Variants in DLG2 observed in about 807,000 individuals in gnomAD.
DLG2 encodes discs large MAGUK scaffold protein 2.
Under a neutral mutation model 132.5 loss-of-function variants are expected in DLG2, and 45 were observed. The observed-to-expected ratio is 0.34, with a 90% CI of 0.27 to 0.44. The LOEUF (loss-of-function observed/expected upper bound fraction) is 0.44. Ranked by LOEUF, DLG2 falls within the 20% of genes least tolerant of loss-of-function variation. The pLI is 1.00. For missense variants in DLG2, 1,045 were observed against 1,196.9 expected, an observed-to-expected ratio of 0.87 and a Z score of 1.87; for synonymous variants, 424 against 419.6, an observed-to-expected ratio of 1.01 and a Z score of -0.13.
intron 6 of DLG2, among the ~76,000 whole-genome samples, chr11:85,052,082 A>G (rs527601385): frequency 6.2e-4 from 94 of 152,322 alleles, no homozygotes; most frequent in African/African-American, 2.2e-3. Flanking sequence ...TGGATCAAGA[A>G]GAAAAGACTG....
chr11:85,273,799 T>C (rs1201901119), intron 4 of DLG2, among the ~76,000 whole-genome samples: 3 of 152,184 alleles, frequency 2.0e-5, no homozygotes, highest in Non-Finnish European at 4.4e-5. Context: ...TAAATACACA[T>C]GCACAAGTAT....
At chr11:83,689,032 T>A (rs2080356673) in intron 18 of DLG2, among the ~76,000 whole-genome samples, 1 of 152,260 alleles carries the variant, frequency 6.6e-6, no homozygotes, top group East Asian at 1.9e-4. Context: ...ATATTCTCCC[T>A]CTCCTTAGGC....
At chr11:84,802,910 C>T (rs1239105060) in intron 6 of DLG2, among the ~76,000 whole-genome samples, 2 of 152,160 alleles carry the variant, frequency 1.3e-5, no homozygotes, top group Non-Finnish European at 2.9e-5. Flanking sequence ...AGCGATTCTC[C>T]TCCCTCAGCC....
intron 2 of DLG2, among the ~76,000 whole-genome samples, chr11:85,611,718 G>A (rs897249389): frequency 6.6e-6 from 1 of 152,254 alleles, no homozygotes; most frequent in African/African-American, 2.4e-5. Flanking sequence ...AATCCTACAT[G>A]CCTATGCTAC....
chr11:84,903,443 C>T (rs1200976863), intron 6 of DLG2, among the ~76,000 whole-genome samples: 3 of 152,124 alleles, frequency 2.0e-5, no homozygotes, highest in Admixed American at 2.0e-4. Context: ...AGTATGCTTA[C>T]ATCATCATAA....
At chr11:83,837,629 A>C (rs2056545480) in intron 16 of DLG2, among the ~76,000 whole-genome samples, 1 of 137,930 alleles carries the variant, frequency 7.3e-6, no homozygotes, top group African/African-American at 2.7e-5. Flanking sequence ...ATTTATCTAA[A>C]GGGAGCAGGT....
At chr11:84,025,637 T>C (rs944056688) in intron 11 of DLG2, among the ~76,000 whole-genome samples, 5 of 152,176 alleles carry the variant, frequency 3.3e-5, no homozygotes, top group Admixed American at 2.6e-4. Flanking sequence ...GGAAACCTTT[T>C]TCTCCAGTCA....
intron 9 of DLG2, among the ~76,000 whole-genome samples, chr11:84,147,733 C>T (rs1234232167): frequency 1.3e-5 from 2 of 152,052 alleles, no homozygotes; most frequent in African/African-American, 4.8e-5. Context: ...CTATTAACCA[C>T]AAATATAGTC....
intron 8 of DLG2, among the ~76,000 whole-genome samples, chr11:84,195,777 T>C (rs1435079699): frequency 6.6e-6 from 1 of 152,220 alleles, no homozygotes; most frequent in Non-Finnish European, 1.5e-5. Flanking sequence ...TGTTATATGC[T>C]CTTATGATGC....
chr11:84,727,603 TTAAAG>T (rs1416271011), intron 6 of DLG2, among the ~76,000 whole-genome samples: 8 of 152,168 alleles, frequency 5.3e-5, no homozygotes, highest in Admixed American at 1.3e-4. Context: ...CATATGAACT[TTAAAG>T]TAGTTTTTTT....
chr11:85,153,278 C>G (rs186226078), intron 5 of DLG2, among the ~76,000 whole-genome samples: 76 of 152,274 alleles, frequency 5.0e-4, no homozygotes, highest in African/African-American at 1.8e-3. Context: ...TGATATTACA[C>G]TTGGTTCTCA....
intron 22 of DLG2, among the ~76,000 whole-genome samples, chr11:83,478,357 T>G (rs10501541): frequency 0.2 from 30,500 of 151,960 alleles, 3,233 homozygotes; most frequent in Middle Eastern, 0.22. Context: ...GATAATTAGA[T>G]TCCATATTTG....
intron 4 of DLG2, among the ~76,000 whole-genome samples, chr11:85,156,483 T>C (rs1397292613): frequency 1.3e-5 from 2 of 152,354 alleles, no homozygotes; most frequent in East Asian, 3.9e-4. Context: ...TCAACCACTT[T>C]GGGATACCCA....
At chr11:83,875,969 A>T (rs1202791016) in intron 15 of DLG2, among the ~76,000 whole-genome samples, 1 of 152,180 alleles carries the variant, frequency 6.6e-6, no homozygotes, top group Non-Finnish European at 1.5e-5. Flanking sequence ...CAAGTTAAAG[A>T]CTGTGTTTCC....
At chr11:84,457,376 G>A (rs528056432) in intron 7 of DLG2, among the ~76,000 whole-genome samples, 3 of 150,918 alleles carry the variant, frequency 2.0e-5, no homozygotes, top group East Asian at 1.9e-4. Flanking sequence ...ATAACAACTC[G>A]ATAAATGGAA....
chr11:84,179,095 C>T (rs937929665), intron 8 of DLG2, among the ~76,000 whole-genome samples: 2 of 151,588 alleles, frequency 1.3e-5, no homozygotes, highest in African/African-American at 4.8e-5. Flanking sequence ...ACTAAAAGAG[C>T]CATTTAAAAA....
chr11:83,912,214 G>T (rs1318336695), intron 15 of DLG2, among the ~76,000 whole-genome samples: 1 of 152,004 alleles, frequency 6.6e-6, no homozygotes, highest in Non-Finnish European at 1.5e-5. Context: ...CATATGTGAT[G>T]TCAGGGACAT....
rs73509287 is a variant in DLG2, at chr11:83,724,260, T to C, written c.1825+62430A>G. On this transcript the variant is annotated intron_variant, in intron 18 of 27. Transcript: ENST00000376104. ...GAAAGCAGAATTCAACATTCAAGTC[T>C]GTCTGGTTCTTTCACACACATAAGC... 9.3e-3 allele frequency among the ~76,000 whole-genome samples: 1,409 copies of C among 152,278 alleles called. 21 individuals are homozygous for C. The highest frequency in any genetic ancestry group is 0.028 in the African/African-American group (1,164 of 41,560).
chr11:85,500,547 AAAT>A lies in DLG2; in HGVS notation c.40+98107_40+98109del, dbSNP rs1350193390. 5.8e-3 allele frequency among the ~76,000 whole-genome samples: 186 copies of A among 32,276 alleles called. 3 individuals are homozygous for A. Among genetic ancestry groups the A allele is most frequent in the Admixed American group, 0.016 (68 of 4,280 alleles). 21.2% of individuals were successfully genotyped at this position (32,276 alleles called of 152,430 possible). ...CCTAAAACTTAGAGTATAATAAAAA[AAAT>A]AAAAATAAAATAAATAAATAAATAA... On this transcript the variant is annotated intron_variant, in intron 3 of 27. Coordinates refer to ENST00000376104, the MANE Select transcript of DLG2 (RefSeq NM_001142699.3).
Sources: gnomAD v4.1 joint callset for allele counts (sites outside exome capture counted in the v4.1 genomes callset) on GRCh38, gnomAD v4.1.1 for gene constraint, MANE v1.5 for transcripts, NCBI Gene and HGNC (gene_info 2026-07-23, HGNC 2026-07-21) for gene names.